The following SYT1 variants were observed in gnomAD, a reference collection of about 807,000 sequenced individuals.
The protein encoded by SYT1 is synaptotagmin-1.
In SYT1, 8 loss-of-function variants were observed where a neutral mutation model predicts 44.8. The observed-to-expected ratio is 0.18, with a 90% confidence interval of 0.10 to 0.32. The LOEUF (loss-of-function observed/expected upper bound fraction) is 0.32. SYT1 is among the 10% of genes least tolerant of loss of function. The pLI is 1.00. For missense variants in SYT1, 286 were observed against 509.3 expected, an observed-to-expected ratio of 0.56 and a Z score of 4.22; for synonymous variants, 154 against 188.8, an observed-to-expected ratio of 0.82 and a Z score of 1.51.
At chr12:79,040,859 A>G (rs1483473622) in intron 2 of SYT1, among the ~76,000 whole-genome samples, 2 of 150,736 alleles carry the variant, frequency 1.3e-5, no homozygotes, top group Admixed American at 6.6e-5. Flanking sequence ...CAGTTTTCCC[A>G]GCACCATTTA....
At chr12:79,149,678 G>T (rs1407915924) in intron 3 of SYT1, among the ~76,000 whole-genome samples, 1 of 152,054 alleles carries the variant, frequency 6.6e-6, no homozygotes, top group African/African-American at 2.4e-5. Flanking sequence ...GTGCTGTAAG[G>T]GAGGTGCTTA....
rs565303071 is a variant in SYT1 at position 79,067,554 on chromosome 12, A to G, written c.-18+20192A>G. On this transcript the variant is annotated intron_variant, in intron 3 of 10. Transcript: ENST00000261205. ...AAAAATTTCTTCAAATGCTAAGATAATATAAAAACCATAGCTTTCCAAAAA... is the reference window on the plus strand; with the variant it reads ...AAAAATTTCTTCAAATGCTAAGATAGTATAAAAACCATAGCTTTCCAAAAA... Among the ~76,000 whole-genome samples, 5 of 152,320 alleles carry G rather than the reference A, an allele frequency of 3.3e-5. No homozygotes were observed. In the South Asian group the frequency reaches 6.2e-4, roughly 19 times the overall value.
intron 3 of SYT1, among the ~76,000 whole-genome samples, chr12:79,140,229 A>G (rs535608919): frequency 6.6e-6 from 1 of 152,312 alleles, no homozygotes; most frequent in African/African-American, 2.4e-5. Flanking sequence ...AAAAATCTGC[A>G]TGCTTCCATT....
chr12:78,988,442 A>G lies in SYT1; in HGVS notation c.-84+10511A>G, dbSNP rs561172543. 2.3e-3 allele frequency among the ~76,000 whole-genome samples: 338 copies of G among 148,748 alleles called. 1 individual carries two copies. Among genetic ancestry groups the G allele is most frequent in the South Asian group, 6.5e-3 (31 of 4,774 alleles). On this transcript the variant is annotated intron_variant, in intron 2 of 10. Coordinates refer to ENST00000261205, the MANE Select transcript of SYT1 (RefSeq NM_005639.3). Reference sequence around the variant, plus strand: ...AATATTATATATATATATAAAATGTAAAGTATGCTAAAGATATATGCCAAG... The same window carrying G: ...AATATTATATATATATATAAAATGTGAAGTATGCTAAAGATATATGCCAAG...
intron 2 of SYT1, among the ~76,000 whole-genome samples, chr12:79,019,279 A>G (rs186455361): frequency 6.6e-6 from 1 of 151,986 alleles, no homozygotes; most frequent in Non-Finnish European, 1.5e-5. Flanking sequence ...TATTCTTTTA[A>G]TGTCCTTCTT....
At chr12:78,896,765 G>A (rs183604913) in intron 1 of SYT1, among the ~76,000 whole-genome samples, 25 of 151,754 alleles carry the variant, frequency 1.6e-4, no homozygotes, top group African/African-American at 6.0e-4. Flanking sequence ...TAAAAATTAT[G>A]TGAAAAGAAA....
intron 4 of SYT1, among the ~76,000 whole-genome samples, chr12:79,284,416 A>G (rs1043876728): frequency 2.0e-5 from 3 of 152,002 alleles, no homozygotes; most frequent in Non-Finnish European, 2.9e-5. Flanking sequence ...TTGCCTTTGC[A>G]TTTTCACTAA....
At chr12:79,131,478 T>C (rs1234184306) in intron 3 of SYT1, among the ~76,000 whole-genome samples, 1 of 152,182 alleles carries the variant, frequency 6.6e-6, no homozygotes, top group African/African-American at 2.4e-5. Flanking sequence ...TCCTTAGAGA[T>C]GATGTACTTT....
intron 1 of SYT1, among the ~76,000 whole-genome samples, chr12:78,952,173 G>A (rs1309628913): frequency 6.6e-6 from 1 of 152,062 alleles, no homozygotes; most frequent in Non-Finnish European, 1.5e-5. Context: ...TTGGAATTAT[G>A]CAATACTCAG....
At chr12:79,098,064 C>T (rs1221302406) in intron 3 of SYT1, among the ~76,000 whole-genome samples, 2 of 151,992 alleles carry the variant, frequency 1.3e-5, no homozygotes, top group South Asian at 2.1e-4. Context: ...TTATCTCAGC[C>T]ACCATTTAAT....
intron 1 of SYT1, chr12:78,964,195 T>A (rs944705498): frequency 1.3e-5 from 2 of 152,160 alleles, no homozygotes; most frequent in Non-Finnish European, 2.9e-5. Context: ...AAAAGATGAA[T>A]GAATAATTAA....
chr12:79,148,130 A>G (rs1228122770), intron 3 of SYT1, among the ~76,000 whole-genome samples: 6 of 152,308 alleles, frequency 3.9e-5, no homozygotes, highest in South Asian at 2.1e-4. Flanking sequence ...GCAAAATTGG[A>G]TTGCAATCAT....
At chr12:79,418,159 C>T (rs1868872992) in intron 9 of SYT1, among the ~76,000 whole-genome samples, 1 of 152,164 alleles carries the variant, frequency 6.6e-6, no homozygotes, top group Non-Finnish European at 1.5e-5. Context: ...ACTTGTCCAT[C>T]ATCAAGGGCT....
chr12:79,193,732 A>G (rs1317170393), intron 3 of SYT1, among the ~76,000 whole-genome samples: 1 of 151,986 alleles, frequency 6.6e-6, no homozygotes, highest in African/African-American at 2.4e-5. Flanking sequence ...TCTAAGATCC[A>G]TCAAGTCAGC....
intron 1 of SYT1, among the ~76,000 whole-genome samples, chr12:78,865,722 G>C (rs1873504266): frequency 6.6e-6 from 1 of 152,142 alleles, no homozygotes; most frequent in African/African-American, 2.4e-5. Flanking sequence ...CCTTGCAAGA[G>C]TCTATGTCTC....
intron 4 of SYT1, among the ~76,000 whole-genome samples, chr12:79,271,030 T>A (rs1480227898): frequency 6.6e-6 from 1 of 152,164 alleles, no homozygotes; most frequent in African/African-American, 2.4e-5. Context: ...TCAGTAGGTG[T>A]GAGATTCAAT....
chr12:78,944,683 G>T (rs1314261814), intron 1 of SYT1, among the ~76,000 whole-genome samples: 1 of 152,080 alleles, frequency 6.6e-6, no homozygotes, highest in East Asian at 1.9e-4. Context: ...AAATTAAGTT[G>T]TAATTAATTC....
At chr12:79,154,564 A>C (rs1870480762) in intron 3 of SYT1, among the ~76,000 whole-genome samples, 1 of 152,120 alleles carries the variant, frequency 6.6e-6, no homozygotes, top group Non-Finnish European at 1.5e-5. Context: ...GGGGGGAAAA[A>C]GAGCAAAACA....
chr12:79,362,428 A>AC (rs1462590699), intron 9 of SYT1, among the ~76,000 whole-genome samples: 2 of 152,102 alleles, frequency 1.3e-5, no homozygotes, highest in Non-Finnish European at 2.9e-5. Flanking sequence ...CTTTTTTGCT[A>AC]CCCCAAAAAA....
Sources: gnomAD v4.1 joint callset for allele counts (sites outside exome capture counted in the v4.1 genomes callset) on GRCh38, gnomAD v4.1.1 for gene constraint, MANE v1.5 for transcripts, NCBI Gene and HGNC (gene_info 2026-07-23, HGNC 2026-07-21) for gene names.